Variants in ZFYVE28 observed in about 807,000 individuals in gnomAD.
ZFYVE28 encodes the protein lateral signaling target protein 2 homolog.
In ZFYVE28, 40 loss-of-function variants were observed where a neutral mutation model predicts 82.1. The ratio of observed to expected loss-of-function variants is 0.49; its 90% CI spans 0.38 to 0.63. The LOEUF is 0.63. Among genes scored for constraint, ZFYVE28 ranks in the 30% least tolerant of loss-of-function variants. The probability of loss-of-function intolerance (pLI) is 0.00; values close to 1 mark genes in which losing one functional copy is unlikely to be tolerated. For synonymous variants in ZFYVE28, 612 were observed against 546.1 expected (o/e 1.12, Z -1.68); for missense variants, 1,321 against 1,242.1 (o/e 1.06, Z -0.96).
intron 8 of ZFYVE28, among the ~76,000 whole-genome samples, chr4:2,283,532 G>A (rs1215875094): frequency 7.9e-6 from 1 of 126,878 alleles, no homozygotes; most frequent in Non-Finnish European, 1.6e-5. Context: ...CTAATCATCA[G>A]TCCATCCATC....
chr4:2,376,606 G>T (rs1037909476), intron 1 of ZFYVE28, among the ~76,000 whole-genome samples: 1 of 152,058 alleles, frequency 6.6e-6, no homozygotes, highest in Non-Finnish European at 1.5e-5. Flanking sequence ...AATGCCAGAC[G>T]CTTATAAAAC....
intron 7 of ZFYVE28, among the ~76,000 whole-genome samples, chr4:2,306,640 A>G (rs1160407460): frequency 6.6e-6 from 1 of 152,234 alleles, no homozygotes; most frequent in Non-Finnish European, 1.5e-5. Flanking sequence ...GTACTTTTAA[A>G]ATGTCATTAG....
rs935352987 is a variant in ZFYVE28, at chr4:2,394,061, C to G, written c.39+24224G>C. Among the ~76,000 whole-genome samples the G allele has an allele frequency of 2.0e-5, 3 of 152,140 alleles. No homozygotes were observed. The highest frequency in any genetic ancestry group is 4.4e-5 in the Non-Finnish European group (3 of 68,018). On this transcript the variant is annotated intron_variant, in intron 1 of 12. Coordinates refer to ENST00000290974, the MANE Select transcript of ZFYVE28 (RefSeq NM_020972.3). The surrounding 1 kb of genome is among the most constrained non-coding windows in gnomAD (Gnocchi z 4.0). Reference sequence around the variant, plus strand: ...GCTACTTCCCGACGCACGGCCGCCTCCCGGACCTTCAGAGCCAGCGGCATT... The same window carrying G: ...GCTACTTCCCGACGCACGGCCGCCTGCCGGACCTTCAGAGCCAGCGGCATT...
At chr4:2,385,192 C>T (rs743696) in intron 1 of ZFYVE28, among the ~76,000 whole-genome samples, 8,766 of 152,276 alleles carry the variant, frequency 0.058, 741 homozygotes, top group African/African-American at 0.18. Context: ...CACCCCTTCC[C>T]GTCAGTGGCT....
chr4:2,361,117 T>A (rs958580056), intron 1 of ZFYVE28, among the ~76,000 whole-genome samples: 3 of 152,140 alleles, frequency 2.0e-5, no homozygotes, highest in Admixed American at 2.0e-4. Context: ...CAATATTTTC[T>A]CAAAGATAAA....
chr4:2,330,671 G>A, intron 6 of ZFYVE28: 1 of 1,432,900 alleles, frequency 7.0e-7, no homozygotes, highest in Non-Finnish European at 9.1e-7. Flanking sequence ...ACCATGGAGA[G>A]GACAGCATGG....
Position 2,356,408 on chromosome 4 carries a change from C to G in ZFYVE28, c.40-2335G>C, listed in dbSNP as rs530679917. 4.5e-4 allele frequency among the ~76,000 whole-genome samples: 63 copies of G among 139,608 alleles called. No homozygotes were observed. In the East Asian group the frequency reaches 8.3e-3, roughly 18 times the overall value. The allele number at this position is 139,608 out of a possible 152,430, so 91.6% of individuals were successfully genotyped here. A position where few individuals can be genotyped will look rare whatever the true frequency, so the allele number is the denominator to read the frequency against. On this transcript the variant is annotated intron_variant, in intron 1 of 12. Coordinates refer to ENST00000290974, the MANE Select transcript of ZFYVE28 (RefSeq NM_020972.3). ...GCAAGACAGACCCAGACCCCGCCCC[C>G]CCGGCAGTTGGTGTGCCCGCCCCCT...
chr4:2,309,151 G>C (rs533122578), intron 7 of ZFYVE28, among the ~76,000 whole-genome samples: 1 of 152,194 alleles, frequency 6.6e-6, no homozygotes, highest in African/African-American at 2.4e-5. Flanking sequence ...TTTCTCATGA[G>C]ACCAAATTAG....
At position 2,332,762 on chromosome 4, in the gene ZFYVE28, G is replaced by T. The variant is rs1393293148; in HGVS notation, c.701+2943C>A. Among the ~76,000 whole-genome samples, 1 of 152,120 alleles carries T rather than the reference G, an allele frequency of 6.6e-6. No homozygotes were observed. The highest frequency in any genetic ancestry group is 1.5e-5 in the Non-Finnish European group (1 of 68,002). Reference sequence around the variant, plus strand: ...GCAGGGCCCCAGTGAGCATCCCAGAGGGGCGGCCTTAGGAACAGCTGCCCA... The same window carrying T: ...GCAGGGCCCCAGTGAGCATCCCAGATGGGCGGCCTTAGGAACAGCTGCCCA... On this transcript the variant is annotated intron_variant, in intron 6 of 12. Transcript: ENST00000290974. This position sits in a 1 kb window ranked among gnomAD's most constrained non-coding sequence, Gnocchi z 4.7.
rs10682316 is a variant in ZFYVE28 at position 2,416,807 on chromosome 4, C to CTCT, written c.39+1477_39+1478insAGA. ...ACGCCACAGGAACCCTGAATCCCCC[C>CTCT]GAGTCCCCTCCCAATCAAGCCAAGG... On this transcript the variant is annotated intron_variant, in intron 1 of 12. Coordinates refer to ENST00000290974, the MANE Select transcript of ZFYVE28 (RefSeq NM_020972.3). This position sits in a 1 kb window ranked among gnomAD's most constrained non-coding sequence, Gnocchi z 4.6. 2.7e-5 allele frequency among the ~76,000 whole-genome samples: 4 copies of CTCT among 150,642 alleles called. No individual in the cohort carries two copies. Among genetic ancestry groups the CTCT allele is most frequent in the African/African-American group, 7.4e-5 (3 of 40,578 alleles).
intron 1 of ZFYVE28, among the ~76,000 whole-genome samples, chr4:2,383,563 A>T (rs935023736): frequency 6.6e-6 from 1 of 152,190 alleles, no homozygotes. Context: ...ACTTATCCCA[A>T]TGCCCAGGAT....
At chr4:2,413,569 T>C (rs535981401) in intron 1 of ZFYVE28, among the ~76,000 whole-genome samples, 25 of 152,244 alleles carry the variant, frequency 1.6e-4, no homozygotes, top group Middle Eastern at 3.4e-3. Context: ...GGGCTCAGCC[T>C]GTGCAGCATC....
Position 2,276,146 on chromosome 4 carries a change from C to G in ZFYVE28, c.2052-1930G>C, listed in dbSNP as rs549370600. Among the ~76,000 whole-genome samples, 8 of 152,136 alleles carry G rather than the reference C, an allele frequency of 5.3e-5. No individual in the cohort carries two copies. In the South Asian group the frequency reaches 1.5e-3, roughly 28 times the overall value. On this transcript the variant is annotated intron_variant, in intron 8 of 12. Coordinates refer to ENST00000290974, the MANE Select transcript of ZFYVE28 (RefSeq NM_020972.3). ...TTCAGGGCAGCGGGCTGCGGCAGAG[C>G]GGGGGAGGAGGCTGGAAGCGTCCCT... is the stretch of plus-strand genomic sequence containing the variant.
intron 1 of ZFYVE28, among the ~76,000 whole-genome samples, chr4:2,358,806 C>T (rs952322953): frequency 6.6e-6 from 1 of 151,716 alleles, no homozygotes; most frequent in African/African-American, 2.4e-5. Context: ...AGTATCTCCC[C>T]CACTTTTTTT....
intron 1 of ZFYVE28, among the ~76,000 whole-genome samples, chr4:2,383,891 G>C (rs1728977572): frequency 6.6e-6 from 1 of 152,220 alleles, no homozygotes; most frequent in South Asian, 2.1e-4. Flanking sequence ...ATCTCCAGGA[G>C]CCATTCTTTC....
chr4:2,399,079 C>CGGGGAG lies in ZFYVE28; in HGVS notation c.39+19205_39+19206insCTCCCC, dbSNP rs1560338804. Among the ~76,000 whole-genome samples, 44 of 73,340 alleles carry CGGGGAG rather than the reference C, an allele frequency of 6.0e-4. 1 individual carries two copies. Among genetic ancestry groups the CGGGGAG allele is most frequent in the Admixed American group, 1.2e-3 (7 of 5,668 alleles). The allele number at this position is 73,340 out of a possible 152,430, so 48.1% of individuals were successfully genotyped here. The stretch of plus-strand genomic sequence containing the variant: ...GTGGAGGTGAGATCCAGGGCACAAG[C>CGGGGAG]GTGAAGGTGAGATCCAGGGCACAAG... On this transcript the variant is annotated intron_variant, in intron 1 of 12. Transcript: ENST00000290974.
chr4:2,383,849 C>T (rs541730857), intron 1 of ZFYVE28, among the ~76,000 whole-genome samples: 33 of 152,248 alleles, frequency 2.2e-4, no homozygotes, highest in South Asian at 1.2e-3. Context: ...GTGTCGCTGG[C>T]GTGTGTTACA....
At chr4:2,368,958 C>T (rs1009846362) in intron 1 of ZFYVE28, among the ~76,000 whole-genome samples, 10 of 152,200 alleles carry the variant, frequency 6.6e-5, no homozygotes, top group Non-Finnish European at 1.2e-4. Flanking sequence ...CTCTGATTTC[C>T]CTATGTCTTC....
chr4:2,383,905 A>C (rs751609375), intron 1 of ZFYVE28, among the ~76,000 whole-genome samples: 6 of 152,168 alleles, frequency 3.9e-5, no homozygotes, highest in African/African-American at 7.2e-5. Flanking sequence ...TTCTTTCACA[A>C]GACTGGAGAA....
Sources: gnomAD v4.1 joint callset for allele counts (sites outside exome capture counted in the v4.1 genomes callset) on GRCh38, gnomAD v4.1.1 for gene constraint, Gnocchi (gnomAD v3.1) non-coding constraint, MANE v1.5 for transcripts, NCBI Gene and HGNC (gene_info 2026-07-23, HGNC 2026-07-21) for gene names.